MACROD2: variants seen among roughly 807,000 people sequenced by gnomAD.
MACROD2 encodes mono-ADP ribosylhydrolase 2.
MACROD2 carries 36 observed loss-of-function variants against 70.4 expected under a neutral mutation model. That is an observed-to-expected ratio of 0.51 (90% confidence interval 0.39 to 0.68). The LOEUF (loss-of-function observed/expected upper bound fraction) is 0.68. Among genes scored for constraint, MACROD2 ranks in the 30% least tolerant of loss-of-function variants. MACROD2 has a pLI of 0.00. For synonymous variants in MACROD2, 172 were observed against 178.8 expected (o/e 0.96, Z 0.30); for missense variants, 496 against 538.4 (o/e 0.92, Z 0.78).
At chr20:15,571,805 TA>T (rs1175121754) in intron 8 of MACROD2, among the ~76,000 whole-genome samples, 4 of 152,120 alleles carry the variant, frequency 2.6e-5, no homozygotes, top group African/African-American at 9.6e-5. Context: ...GTCAGACAGA[TA>T]GGGGGAAATA....
At position 15,978,645 on chromosome 20, in the gene MACROD2, TTGAG is replaced by T. The variant is rs142169439; in HGVS notation, c.986-8079_986-8076del. Among the ~76,000 whole-genome samples, 1,038 of 151,540 alleles carry T rather than the reference TTGAG, an allele frequency of 6.8e-3. 12 individuals carry two copies. Among genetic ancestry groups the T allele is most frequent in the African/African-American group, 0.024 (989 of 41,312 alleles). On this transcript the variant is annotated intron_variant, in intron 13 of 17. Transcript: ENST00000684519. ...CTTTCTCTCAGCTAACCTTACAACTTTGAGTGGCAATGGGGAAGAATGAGGATGA... is the reference window on the plus strand; with the variant it reads ...CTTTCTCTCAGCTAACCTTACAACTTTGGCAATGGGGAAGAATGAGGATGA...
chr20:14,700,816 C>T (rs1354810343), intron 5 of MACROD2, among the ~76,000 whole-genome samples: 4 of 152,048 alleles, frequency 2.6e-5, no homozygotes, highest in African/African-American at 9.7e-5. Context: ...AAAACAGAAA[C>T]TGGCACTGCT....
At chr20:14,734,397 A>G (rs2071633693) in intron 5 of MACROD2, among the ~76,000 whole-genome samples, 1 of 151,870 alleles carries the variant, frequency 6.6e-6, no homozygotes, top group East Asian at 1.9e-4. Context: ...GCTACTCAGG[A>G]GGCTGAGGCA....
intron 8 of MACROD2, among the ~76,000 whole-genome samples, chr20:15,807,768 T>C (rs2063782277): frequency 6.6e-6 from 1 of 152,192 alleles, no homozygotes; most frequent in Non-Finnish European, 1.5e-5. Context: ...GTTGCCAACA[T>C]AATATTTCTA....
At chr20:14,887,515 C>G (rs2073694680) in intron 5 of MACROD2, among the ~76,000 whole-genome samples, 1 of 151,514 alleles carries the variant, frequency 6.6e-6, no homozygotes. Context: ...GCCTCAGCCT[C>G]CTGGGTAGCT....
chr20:16,035,150 TAA>T (rs1429256989), intron 15 of MACROD2, among the ~76,000 whole-genome samples: 3 of 97,962 alleles, frequency 3.1e-5, no homozygotes, highest in African/African-American at 1.2e-4. Flanking sequence ...ATATTATATA[TAA>T]AATATAATAT....
In MACROD2 at chr20:15,647,930, G is replaced by C. The variant is rs529511907; in HGVS notation, c.645+148083G>C. 4.6e-5 allele frequency among the ~76,000 whole-genome samples: 7 copies of C among 152,228 alleles called. No homozygotes were observed. In the East Asian group the frequency reaches 1.4e-3, roughly 29 times the overall value. ...GATGGGGTCTCACCATGTTGGCCAG[G>C]CTGTTCTCAAACTCCTGACCTCAAG... On this transcript the variant is annotated intron_variant, in intron 8 of 17. Transcript: ENST00000684519.
intron 5 of MACROD2, among the ~76,000 whole-genome samples, chr20:14,941,181 G>A (rs1053409903): frequency 4.6e-5 from 7 of 152,068 alleles, no homozygotes; most frequent in Non-Finnish European, 7.4e-5. Flanking sequence ...TTGGGGTATA[G>A]TTTGTAGTAA....
intron 6 of MACROD2, among the ~76,000 whole-genome samples, chr20:15,234,816 G>A (rs997787272): frequency 6.6e-6 from 1 of 152,070 alleles, no homozygotes; most frequent in Non-Finnish European, 1.5e-5. Flanking sequence ...AAATGAAAAT[G>A]CCTAATTTTG....
intron 6 of MACROD2, among the ~76,000 whole-genome samples, chr20:15,354,848 G>A (rs1600283749): frequency 1.3e-5 from 2 of 152,206 alleles, no homozygotes; most frequent in East Asian, 3.9e-4. Context: ...AAAAATAATG[G>A]AGAATATAAA....
intron 12 of MACROD2, among the ~76,000 whole-genome samples, chr20:15,962,750 G>T (rs2066081123): frequency 6.6e-6 from 1 of 152,134 alleles, no homozygotes; most frequent in Admixed American, 6.6e-5. Flanking sequence ...TTTAATGGAG[G>T]TTAATGAGAC....
intron 8 of MACROD2, among the ~76,000 whole-genome samples, chr20:15,746,141 T>C (rs1047153540): frequency 2.0e-5 from 3 of 152,278 alleles, no homozygotes; most frequent in African/African-American, 7.2e-5. Context: ...TTGGGCTTTA[T>C]AATTCACGAA....
chr20:15,653,190 G>A (rs571305345), intron 8 of MACROD2, among the ~76,000 whole-genome samples: 1 of 152,292 alleles, frequency 6.6e-6, no homozygotes, highest in African/African-American at 2.4e-5. Context: ...TGCATAGTTA[G>A]ACATGTCCAA....
intron 8 of MACROD2, among the ~76,000 whole-genome samples, chr20:15,611,835 C>T (rs974149015): frequency 4.1e-5 from 6 of 147,616 alleles, no homozygotes; most frequent in African/African-American, 7.6e-5. Context: ...TATAAGGCTC[C>T]GAGCAAATTC....
Position 14,830,575 on chromosome 20 carries a change from A to G in MACROD2, c.418+145616A>G, listed in dbSNP as rs142145530. 2.5e-3 allele frequency among the ~76,000 whole-genome samples: 384 copies of G among 152,304 alleles called. 2 individuals are homozygous for G. The highest frequency in any genetic ancestry group is 8.9e-3 in the African/African-American group (370 of 41,556). On this transcript the variant is annotated intron_variant, in intron 5 of 17. Transcript: ENST00000684519. ...ATGTGCACATAGCACTAGAAAAATCAATAAGTAATCTAGATATTGATTTAC... is the reference window on the plus strand; with the variant it reads ...ATGTGCACATAGCACTAGAAAAATCGATAAGTAATCTAGATATTGATTTAC...
intron 5 of MACROD2, among the ~76,000 whole-genome samples, chr20:14,970,262 A>G (rs2074678479): frequency 3.3e-5 from 5 of 152,168 alleles, no homozygotes; most frequent in Admixed American, 3.3e-4. Flanking sequence ...GATTATGGGA[A>G]CTACAGTTCA....
chr20:14,207,558 A>G (rs759631893), intron 3 of MACROD2, among the ~76,000 whole-genome samples: 22 of 151,820 alleles, frequency 1.4e-4, no homozygotes, highest in Non-Finnish European at 2.5e-4. Context: ...ACATTGCCAA[A>G]CTTCCTTAGC....
chr20:15,765,496 G>A (rs2051507520), intron 8 of MACROD2, among the ~76,000 whole-genome samples: 1 of 152,168 alleles, frequency 6.6e-6, no homozygotes, highest in African/African-American at 2.4e-5. Context: ...GTTCAGGTTT[G>A]TAAATGTGTA....
chr20:14,312,899 G>A (rs1253717415), intron 3 of MACROD2, among the ~76,000 whole-genome samples: 2 of 152,270 alleles, frequency 1.3e-5, no homozygotes, highest in East Asian at 1.9e-4. Flanking sequence ...TATCCTGTAC[G>A]CCAGAGTGGC....
Sources: gnomAD v4.1 joint callset for allele counts (sites outside exome capture counted in the v4.1 genomes callset) on GRCh38, gnomAD v4.1.1 for gene constraint, MANE v1.5 for transcripts, NCBI Gene and HGNC (gene_info 2026-07-23, HGNC 2026-07-21) for gene names.